The following FAM83C variants were observed in gnomAD, a reference collection of about 807,000 sequenced individuals.
FAM83C encodes protein FAM83C.
In FAM83C, 23 loss-of-function variants were observed where a neutral mutation model predicts 27.1. The observed-to-expected ratio is 0.85, with a 90% CI of 0.61 to 1.20. The LOEUF (loss-of-function observed/expected upper bound fraction) is 1.20, where lower values mean the gene tolerates loss of function less well. Among genes scored for constraint, FAM83C ranks in the 50% most tolerant of loss-of-function variants. The probability of loss-of-function intolerance (pLI) is 0.00; values close to 1 mark genes in which losing one functional copy is unlikely to be tolerated. For missense variants in FAM83C, 984 were observed against 1,001.3 expected, an observed-to-expected ratio of 0.98 and a Z score of 0.23; for synonymous variants, 426 against 423.1, an observed-to-expected ratio of 1.01 and a Z score of -0.09.
chr20:35,292,396 T>C lies in FAM83C; in HGVS notation c.-92A>G. On this transcript the variant is annotated 5_prime_UTR_variant, in exon 1 of 4. Transcript: ENST00000374408. ...GGAAGAGGAGACCAGCAGAACCGCC[T>C]TCTGCCCGCCCGCTCGCTGTGTGTG... 1 of 1,421,696 alleles carries C rather than the reference T, an allele frequency of 7.0e-7. No homozygotes were observed. The highest frequency in any genetic ancestry group is 9.2e-7 in the Non-Finnish European group (1 of 1,091,734). The allele number at this position is 1,421,696 out of a possible 1,614,324, so 88.1% of individuals were successfully genotyped here. A position where few individuals can be genotyped will look rare whatever the true frequency, so the allele number is the denominator to read the frequency against.
chr20:35,287,855 C>A lies in FAM83C; in HGVS notation c.924G>T (p.Glu308Asp). Reference sequence around the variant, plus strand: ...GCGGGTCCTCACCGCCACAGAAGCCCTCCACAGGCTGCGACTCAGCGTACA... The same window carrying A: ...GCGGGTCCTCACCGCCACAGAAGCCATCCACAGGCTGCGACTCAGCGTACA... Reference protein sequence around the residue: ...RCLYAESQPVEGFCGGEDPLS... With the variant: ...RCLYAESQPVDGFCGGEDPLS... The change falls in exon 4 of 4, where the codon GAG becomes GAT. Residue 308 changes from glutamate (E) to aspartate (D), a missense_variant. Transcript: ENST00000374408. The A allele has an allele frequency of 6.4e-7, 1 of 1,567,932 alleles. No homozygotes were observed. Among genetic ancestry groups the A allele is most frequent in the South Asian group, 1.2e-5 (1 of 85,930 alleles).
At chr20:35,289,120 T>C (rs1194211300) in intron 1 of FAM83C, among the ~76,000 whole-genome samples, 162 bp from the exon 2 acceptor site, 1 of 152,208 alleles carries the variant, frequency 6.6e-6, no homozygotes, top group Non-Finnish European at 1.5e-5. Context: ...CACTTAGCAG[T>C]GACCTAGCCC....
rs1278380332 is a variant in FAM83C, at chr20:35,292,210, C to G, written c.95G>C (p.Arg32Pro). 22 of 1,592,056 alleles carry G rather than the reference C, an allele frequency of 1.4e-5. No individual in the cohort carries two copies. The highest frequency in any genetic ancestry group is 1.9e-4 in the Middle Eastern group (1 of 5,326). Residue 32 changes from arginine to proline, a missense_variant, in exon 1 of 4, where the codon CGG becomes CCG. Coordinates refer to ENST00000374408, the MANE Select transcript of FAM83C (RefSeq NM_178468.6). ...CCGCAGCACCAGCGGTGAGCTCTCC[C>G]GCCACCACGGCAGCTTCAGCTCTTC... ...RVEELKLPWW[R>P]ESSPLVLRHS...
In FAM83C at chr20:35,292,278, G is replaced by A; in HGVS notation, c.27C>T (p.Val9=). ...GTCCCGCCATGCCCTGGGCTCCCAG[G>A]ACCCCAGGCCCCGGGCCTCCGAACA... is the stretch of plus-strand genomic sequence containing the variant. MFGGPGPG[V]LGAQGMAGPL... is the part of the protein sequence containing the mutation. Residue 9 remains valine, a synonymous_variant, in exon 1 of 4, where the codon GTC becomes GTT. Transcript: ENST00000374408. 9 of 1,551,508 alleles carry A rather than the reference G, an allele frequency of 5.8e-6. No homozygotes were observed. The highest frequency in any genetic ancestry group is 6.9e-6 in the Non-Finnish European group (8 of 1,155,770).
chr20:35,288,045 G>A lies in FAM83C; in HGVS notation c.807-73C>T. The A allele has an allele frequency of 6.7e-6, 9 of 1,334,384 alleles. 1 individual carries two copies. The Middle Eastern group carries it at 1.7e-3, about 258-fold the overall frequency. The allele number at this position is 1,334,384 out of a possible 1,614,324, so 82.7% of individuals were successfully genotyped here. A position where few individuals can be genotyped will look rare whatever the true frequency, so the allele number is the denominator to read the frequency against. The stretch of plus-strand genomic sequence containing the variant: ...GGGGGTCGGCAGGAGTCACAGCCAG[G>A]GGTGCATACCTGGTCCAGCACGCTA... On this transcript the variant is annotated intron_variant, in intron 3 of 3. Coordinates refer to ENST00000374408, the MANE Select transcript of FAM83C (RefSeq NM_178468.6).
intron 2 of FAM83C, 58 bp from the exon 3 acceptor site, chr20:35,288,643 G>GAGA: frequency 6.3e-7 from 1 of 1,598,654 alleles, no homozygotes; most frequent in East Asian, 2.2e-5. Context: ...CCATGTCTCT[G>GAGA]CCCCATGGGG....
At position 35,287,221 on chromosome 20, in the gene FAM83C, C is replaced by T. The variant is rs139131403; in HGVS notation, c.1558G>A (p.Val520Met). ...GTAACCCCAGAGTCAGGGTCTCCCA[C>T]TTCTCGGGCTCTGGGGAAGGGGACA... ...LLVPFPRARE[V>M]GDPDSGVTPN... The change falls in exon 4 of 4, where the codon GTG (valine) becomes ATG (methionine). Residue 520 changes from valine to methionine, a missense_variant. Val to Met is a conservative substitution (Grantham distance 21, BLOSUM62 1). Transcript: ENST00000374408. 9.2e-4 allele frequency: 1,483 copies of T among 1,612,692 alleles called. 1 individual carries two copies. Among genetic ancestry groups the T allele is most frequent in the Non-Finnish European group, 1.1e-3 (1,353 of 1,180,014 alleles).
chr20:35,290,519 G>A (rs1472430667), intron 1 of FAM83C, among the ~76,000 whole-genome samples: 2 of 152,170 alleles, frequency 1.3e-5, no homozygotes, highest in East Asian at 3.8e-4. Context: ...GAGTTACAGG[G>A]AATTAAATGT....
rs1188255416 is a variant in FAM83C, at chr20:35,287,345, G to A, written c.1434C>T (p.Pro478=). The A allele has an allele frequency of 6.2e-7, 1 of 1,613,900 alleles. No homozygotes were observed. ...NGLPGSQEPS[P]LRGRWVPGTT... ...TGCCAGGTACCCATCGACCCCGCAG[G>A]GGGCTGGGCTCTTGGCTTCCTGGGA... Residue 478 remains proline, a synonymous_variant, in exon 4 of 4, where the codon CCC becomes CCT. Coordinates refer to ENST00000374408, the MANE Select transcript of FAM83C (RefSeq NM_178468.6).
In FAM83C at chr20:35,286,897, G is replaced by C. The variant is rs2060828362; in HGVS notation, c.1882C>G (p.Gln628Glu). The C allele has an allele frequency of 1.9e-6, 3 of 1,614,210 alleles. No homozygotes were observed. Among genetic ancestry groups the C allele is most frequent in the Non-Finnish European group, 2.5e-6 (3 of 1,180,046 alleles). ...TCCAGCTGGCTGTGCCCCAGGGTCT[G>C]CCGCCGCTCATCTGGTGCCCGTCTG... ...PARRAPDERR[Q>E]TLGHSQLDLI... is the part of the protein sequence containing the mutation. The change falls in exon 4 of 4, where the codon CAG becomes GAG. Residue 628 changes from glutamine (Q) to glutamate (E), a missense_variant. Gln to Glu is a conservative substitution (Grantham distance 29, BLOSUM62 2). Transcript: ENST00000374408.
rs1006134479 is a variant in FAM83C, at chr20:35,289,060, G to C, written c.514-102C>G. ...ACTGGGCGCCGGGAAAAGAGTACTG[G>C]ACTGAAAATCAGGAGGCCAGAGCCT... On this transcript the variant is annotated intron_variant, in intron 1 of 3. Coordinates refer to ENST00000374408, the MANE Select transcript of FAM83C (RefSeq NM_178468.6). The C allele has an allele frequency of 2.1e-6, 3 of 1,445,294 alleles. No homozygotes were observed. In the Admixed American group the frequency reaches 6.7e-5, roughly 32 times the overall value. The allele number at this position is 1,445,294 out of a possible 1,614,324, so 89.5% of individuals were successfully genotyped here. A position where few individuals can be genotyped will look rare whatever the true frequency, so the allele number is the denominator to read the frequency against.
Position 35,287,316 on chromosome 20 carries a change from G to A in FAM83C, c.1463C>T (p.Thr488Ile), listed in dbSNP as rs747079486. The A allele has an allele frequency of 1.2e-6, 2 of 1,613,610 alleles. No homozygotes were observed. Among genetic ancestry groups the A allele is most frequent in the African/African-American group, 1.3e-5 (1 of 74,934 alleles). The change falls in exon 4 of 4, where the codon ACC becomes ATC. Residue 488 changes from threonine to isoleucine, a missense_variant. Coordinates refer to ENST00000374408, the MANE Select transcript of FAM83C (RefSeq NM_178468.6). Reference sequence around the variant, plus strand: ...CTCCTTCTCCTCCACTGTCTCCAGGGTTGTGCCAGGTACCCATCGACCCCG... The same window carrying A: ...CTCCTTCTCCTCCACTGTCTCCAGGATTGTGCCAGGTACCCATCGACCCCG... ...PLRGRWVPGTTLETVEEKEKK... is the reference protein window; with the variant it reads ...PLRGRWVPGTILETVEEKEKK...
At position 35,287,579 on chromosome 20, in the gene FAM83C, G is replaced by C; in HGVS notation, c.1200C>G (p.Asp400Glu). The C allele has an allele frequency of 6.2e-7, 1 of 1,614,156 alleles. No individual in the cohort carries two copies. Among genetic ancestry groups the C allele is most frequent in the Non-Finnish European group, 8.5e-7 (1 of 1,180,016 alleles). The change falls in exon 4 of 4, where the codon GAC becomes GAG. Residue 400 changes from aspartate to glutamate, a missense_variant. By Grantham distance (45) the Asp-to-Glu change is conservative. Coordinates refer to ENST00000374408, the MANE Select transcript of FAM83C (RefSeq NM_178468.6). Reference protein sequence around the residue: ...GQPSLHRQLSDPNHGSPPGLY... With the variant: ...GQPSLHRQLSEPNHGSPPGLY... Reference sequence around the variant, plus strand: ...GCCCAGGAGGGGAGCCGTGGTTAGGGTCTGACAGTTGGCGATGTAGGGAGG... The same window carrying C: ...GCCCAGGAGGGGAGCCGTGGTTAGGCTCTGACAGTTGGCGATGTAGGGAGG...
In FAM83C at chr20:35,287,528, T is replaced by C; in HGVS notation, c.1251A>G (p.Leu417=). ...PGLYRANLGK[L]GAYPWSQSSP... ...AGGACTGGGACCATGGGTATGCCCC[T>C]AGCTTGCCGAGATTGGCCCTATAGA... The change falls in exon 4 of 4, where the codon CTA becomes CTG. Residue 417 remains leucine (L), a synonymous_variant. Coordinates refer to ENST00000374408, the MANE Select transcript of FAM83C (RefSeq NM_178468.6). 6.2e-7 allele frequency: 1 copy of C among 1,614,084 alleles called. No individual in the cohort carries two copies.
chr20:35,287,245 C>T lies in FAM83C; in HGVS notation c.1534G>A (p.Val512Ile), dbSNP rs1264298227. 2 of 1,612,832 alleles carry T rather than the reference C, an allele frequency of 1.2e-6. No individual in the cohort carries two copies. Among genetic ancestry groups the T allele is most frequent in the Non-Finnish European group, 1.7e-6 (2 of 1,179,946 alleles). ...SQSRGQLDLL[V>I]PFPRAREVGD... ...ACTTCTCGGGCTCTGGGGAAGGGGA[C>T]AAGGAGATCCAGCTGGCCACGGCTC... Residue 512 changes from valine (V) to isoleucine (I), a missense_variant, in exon 4 of 4, where the codon GTC (valine) becomes ATC (isoleucine). Coordinates refer to ENST00000374408, the MANE Select transcript of FAM83C (RefSeq NM_178468.6).
chr20:35,288,719 C>A lies in FAM83C; in HGVS notation c.681+72G>T, dbSNP rs951951809. 2.6e-6 allele frequency: 4 copies of A among 1,547,498 alleles called. No homozygotes were observed. In the African/African-American group the frequency reaches 4.1e-5, roughly 16 times the overall value. The stretch of plus-strand genomic sequence containing the variant: ...CCAGTGCCCCCCAGTGCTGACTGGC[C>A]ACCCACTGGCTCCCCTGCCCTCCCT... On this transcript the variant is annotated intron_variant, in intron 2 of 3. Coordinates refer to ENST00000374408, the MANE Select transcript of FAM83C (RefSeq NM_178468.6).
rs376855858 is a variant in FAM83C at position 35,288,965 on chromosome 20, G to A, written c.514-7C>T. On this transcript the variant is annotated splice_polypyrimidine_tract_variant and splice_region_variant and intron_variant, in intron 1 of 3. Transcript: ENST00000374408. ...CCATCACCACAGCCACCACCTGGGTGGGGGGAGGCACACGAAAGCTCAGCG... is the reference window on the plus strand; with the variant it reads ...CCATCACCACAGCCACCACCTGGGTAGGGGGAGGCACACGAAAGCTCAGCG... 159 of 1,610,880 alleles carry A rather than the reference G, an allele frequency of 9.9e-5. No homozygotes were observed. The highest frequency in any genetic ancestry group is 1.3e-4 in the Non-Finnish European group (149 of 1,178,440).
chr20:35,288,071 G>A, intron 3 of FAM83C, 99 bp from the exon 4 acceptor site: 1 of 1,024,376 alleles, frequency 9.8e-7, no homozygotes, highest in African/African-American at 1.6e-5. Flanking sequence ...CAGCACGCTA[G>A]ACCCAAACCC....
rs757345578 is a variant in FAM83C, at chr20:35,287,403, G to C, written c.1376C>G (p.Ala459Gly). Residue 459 changes from alanine (A) to glycine (G), a missense_variant, in exon 4 of 4, where the codon GCC (alanine) becomes GGC (glycine). Transcript: ENST00000374408. ...SRPLLQFHRGAPALSRFPENG... is the reference protein window; with the variant it reads ...SRPLLQFHRGGPALSRFPENG... ...CTCTGGGAACCGGGACAGAGCTGGG[G>C]CACCCCGATGGAACTGGAGGAGGGG... 4.3e-6 allele frequency: 7 copies of C among 1,613,974 alleles called. No individual in the cohort carries two copies.
Sources: allele counts gnomAD v4.1 joint callset (sites outside exome capture counted in the v4.1 genomes callset), GRCh38; gene constraint gnomAD v4.1.1; transcripts MANE v1.5; gene names NCBI Gene and HGNC (gene_info 2026-07-23, HGNC 2026-07-21).